Variants in GRIP1 observed in about 807,000 individuals in gnomAD.
The protein encoded by GRIP1 is glutamate receptor-interacting protein 1.
Under a neutral mutation model 129.9 loss-of-function variants are expected in GRIP1, and 45 were observed. The observed-to-expected ratio is 0.35, with a 90% confidence interval of 0.27 to 0.44. GRIP1 has a LOEUF of 0.44. GRIP1 is among the 20% of genes least tolerant of loss of function. The pLI, the probability that GRIP1 is intolerant of heterozygous loss-of-function variation, is 1.00. For synonymous variants in GRIP1, 530 were observed against 520.8 expected (o/e 1.02, Z -0.24); for missense variants, 1,196 against 1,396.8 (o/e 0.86, Z 2.29).
intron 2 of GRIP1, among the ~76,000 whole-genome samples, chr12:66,558,960 C>G (rs2062424710): frequency 6.6e-6 from 1 of 152,060 alleles, no homozygotes; most frequent in Non-Finnish European, 1.5e-5. Context: ...TTCAAGATCA[C>G]ATTGAAAACA....
chr12:66,350,131 G>C (rs926078184), intron 24 of GRIP1, among the ~76,000 whole-genome samples: 1 of 151,954 alleles, frequency 6.6e-6, no homozygotes, highest in Non-Finnish European at 1.5e-5. Flanking sequence ...ACCCCACTTC[G>C]TTTTGATCCT....
intron 1 of GRIP1, among the ~76,000 whole-genome samples, chr12:66,952,419 T>C (rs563565452): frequency 6.6e-6 from 1 of 152,330 alleles, no homozygotes; most frequent in South Asian, 2.1e-4. Flanking sequence ...AGTTTCTCCG[T>C]TATAAATGTC....
intron 2 of GRIP1, chr12:66,568,869 T>C (rs1473969380): frequency 4.3e-6 from 2 of 467,862 alleles, no homozygotes; most frequent in East Asian, 1.2e-4. Context: ...AGATGAACTC[T>C]GCTCTGTCTT....
At chr12:66,447,126 ATCTGG>A (rs1214101280) in intron 11 of GRIP1, among the ~76,000 whole-genome samples, 3 of 152,168 alleles carry the variant, frequency 2.0e-5, no homozygotes, top group Non-Finnish European at 4.4e-5. Context: ...TCATGTGGGG[ATCTGG>A]TAAGTGCAGG....
chr12:66,963,348 A>G (rs960977619), intron 1 of GRIP1, among the ~76,000 whole-genome samples: 2 of 152,098 alleles, frequency 1.3e-5, no homozygotes, highest in African/African-American at 4.8e-5. Flanking sequence ...GAAAGTTTAA[A>G]CTTAATAATT....
intron 7 of GRIP1, among the ~76,000 whole-genome samples, chr12:66,470,392 C>G (rs1216353647): frequency 6.6e-6 from 1 of 151,790 alleles, no homozygotes; most frequent in Admixed American, 6.6e-5. Context: ...ATGTTGTTCT[C>G]TCTACACAGA....
At chr12:66,907,300 C>T (rs2040950000) in intron 1 of GRIP1, among the ~76,000 whole-genome samples, 1 of 152,154 alleles carries the variant, frequency 6.6e-6, no homozygotes, top group African/African-American at 2.4e-5. Context: ...CAATTTAGTA[C>T]TTCTATCTCA....
At chr12:66,528,928 A>G (rs2061354443) in intron 5 of GRIP1, among the ~76,000 whole-genome samples, 1 of 152,176 alleles carries the variant, frequency 6.6e-6, no homozygotes, top group Non-Finnish European at 1.5e-5. Context: ...TCTGTAGGGA[A>G]CTCAAAGAAA....
intron 1 of GRIP1, among the ~76,000 whole-genome samples, chr12:66,778,610 C>T (rs12581011): frequency 0.46 from 69,265 of 151,896 alleles, 15,844 homozygotes; most frequent in East Asian, 0.51. Flanking sequence ...TTGTGTAGCC[C>T]GTGTTACCTA....
chr12:66,625,809 A>C (rs1213693557), intron 1 of GRIP1, among the ~76,000 whole-genome samples: 2 of 152,194 alleles, frequency 1.3e-5, no homozygotes, highest in African/African-American at 4.8e-5. Context: ...AAATAGAATA[A>C]AGAGTATATA....
rs1430777522 is a variant in GRIP1, at chr12:66,372,325, ACTT to A, written c.2779-401_2779-399del. 32 of 300,200 alleles carry A rather than the reference ACTT, an allele frequency of 1.1e-4. No homozygotes were observed. In the East Asian group the frequency reaches 2.8e-3, roughly 26 times the overall value. The allele number at this position is 300,200 out of a possible 1,614,324, so 18.6% of individuals were successfully genotyped here. A position where few individuals can be genotyped will look rare whatever the true frequency, so the allele number is the denominator to read the frequency against. The stretch of plus-strand genomic sequence containing the variant: ...TATATCTTACAGAAACGAATTAAGA[ACTT>A]CTCAATGGACACCAGGCTGCCTGTA... On this transcript the variant is annotated intron_variant, in intron 22 of 24. Coordinates refer to ENST00000359742, the MANE Select transcript of GRIP1 (RefSeq NM_001366722.1).
chr12:66,358,067 T>C (rs960858658), intron 23 of GRIP1, among the ~76,000 whole-genome samples: 1 of 152,182 alleles, frequency 6.6e-6, no homozygotes, highest in African/African-American at 2.4e-5. Context: ...CTAATGTTTA[T>C]ATTTTTAGTA....
Position 66,721,329 on chromosome 12 carries a change from C to T in GRIP1, c.-420+82724G>A, listed in dbSNP as rs376331594. Among the ~76,000 whole-genome samples the T allele has an allele frequency of 2.4e-4, 36 of 152,164 alleles. No homozygotes were observed. In the East Asian group the frequency reaches 6.2e-3, roughly 26 times the overall value. Reference sequence around the variant, plus strand: ...GTCTCACTCTGTCAGTGCTGGAGTGCAGTGGCAGTATCTCAGCTCACTGCA... The same window carrying T: ...GTCTCACTCTGTCAGTGCTGGAGTGTAGTGGCAGTATCTCAGCTCACTGCA... On this transcript the variant is annotated intron_variant, in intron 1 of 4. Coordinates refer to the GRIP1 transcript ENST00000538373.
At chr12:66,376,187 T>G (rs1191852490) in intron 22 of GRIP1, among the ~76,000 whole-genome samples, 1 of 152,230 alleles carries the variant, frequency 6.6e-6, no homozygotes, top group African/African-American at 2.4e-5. Context: ...AAACTAATAG[T>G]TTTCTTTATA....
chr12:66,840,206 T>C lies in GRIP1; in HGVS notation c.58+228844A>G, dbSNP rs77196091. Among the ~76,000 whole-genome samples, 361 of 152,160 alleles carry C rather than the reference T, an allele frequency of 2.4e-3. 4 individuals are homozygous for C. The highest frequency in any genetic ancestry group is 8.4e-3 in the African/African-American group (347 of 41,508). ...ATCTCTACTACTTGGGGATTTAAAA[T>C]AATAATAATAATAGGCTTCTGATAT... On this transcript the variant is annotated intron_variant, in intron 1 of 1. Transcript: ENST00000643019.
At chr12:66,979,161 G>C (rs1292693477) in intron 1 of GRIP1, among the ~76,000 whole-genome samples, 2 of 126,870 alleles carry the variant, frequency 1.6e-5, no homozygotes, top group Non-Finnish European at 1.6e-5. Context: ...CAAGCATTTT[G>C]ATCCCCATGA....
intron 7 of GRIP1, 55 bp downstream of exon 7, chr12:66,515,564 G>A: frequency 6.7e-7 from 1 of 1,496,568 alleles, no homozygotes; most frequent in South Asian, 1.1e-5. Context: ...GTTTATCAGG[G>A]ACAGACAGTG....
At chr12:66,807,130 G>A (rs547760475), upstream of GRIP1, among the ~76,000 whole-genome samples, 8 of 152,208 alleles carry the variant, frequency 5.3e-5, no homozygotes, top group African/African-American at 1.9e-4. Context: ...CGGGTGCTCT[G>A]CCTGAGGGGT....
intron 1 of GRIP1, among the ~76,000 whole-genome samples, chr12:66,874,294 C>T (rs773930592): frequency 1.8e-4 from 28 of 152,038 alleles, no homozygotes; most frequent in Non-Finnish European, 2.9e-4. Context: ...AATTGTTGCA[C>T]AACAAGTGTC....
Sources: allele counts gnomAD v4.1 joint callset (sites outside exome capture counted in the v4.1 genomes callset), GRCh38; gene constraint gnomAD v4.1.1; transcripts MANE v1.5; gene names NCBI Gene and HGNC (gene_info 2026-07-23, HGNC 2026-07-21).